COL10A1: variants seen among roughly 807,000 people sequenced by gnomAD.
COL10A1 encodes the protein collagen alpha-1(X) chain.
A neutral mutation model predicts 18.2 loss-of-function variants in COL10A1; 10 were observed. That is an observed-to-expected ratio of 0.55 (90% confidence interval 0.34 to 0.93). The LOEUF is 0.93. Among genes scored for constraint, COL10A1 ranks in the 40% least tolerant of loss-of-function variants. COL10A1 has a pLI of 0.02. For missense variants in COL10A1, 897 were observed against 853.5 expected, an observed-to-expected ratio of 1.05 and a Z score of -0.64; for synonymous variants, 330 against 316.6, an observed-to-expected ratio of 1.04 and a Z score of -0.45.
chr6:116,174,553 C>T, the COL10A1 span, among the ~76,000 whole-genome samples: 1 of 152,060 alleles, frequency 6.6e-6, no homozygotes, highest in Non-Finnish European at 1.5e-5. Flanking sequence ...ATTTCCTATT[C>T]GTGTTTTGTT....
At chr6:116,201,052 G>A in the COL10A1 span, among the ~76,000 whole-genome samples, 36 of 152,086 alleles carry the variant, frequency 2.4e-4, no homozygotes, top group East Asian at 5.5e-3. Context: ...CCCAGTAGGA[G>A]TGAAGTACTA....
the COL10A1 span, among the ~76,000 whole-genome samples, chr6:116,187,874 T>G: frequency 6.6e-6 from 1 of 152,052 alleles, no homozygotes; most frequent in African/African-American, 2.4e-5. Context: ...TTGACAAACA[T>G]TAAACGTCTC....
chr6:116,169,239 A>G, the COL10A1 span, among the ~76,000 whole-genome samples: 14 of 152,312 alleles, frequency 9.2e-5, no homozygotes, highest in African/African-American at 3.4e-4. Flanking sequence ...CAGTGCTGTT[A>G]AGCAGGTATT....
At chr6:116,132,805 C>T (rs553234021) in intron 1 of COL10A1, among the ~76,000 whole-genome samples, 10 of 152,008 alleles carry the variant, frequency 6.6e-5, no homozygotes, top group African/African-American at 1.9e-4. Context: ...GGAAAAGTGC[C>T]GAGAAGTTTA....
upstream of COL10A1, among the ~76,000 whole-genome samples, chr6:116,162,935 A>G (rs866190850): frequency 7.3e-5 from 11 of 151,638 alleles, no homozygotes; most frequent in East Asian, 5.8e-4. Flanking sequence ...AGACCATCCT[A>G]GCTAACATGG....
intron 1 of COL10A1, among the ~76,000 whole-genome samples, chr6:116,135,044 G>T (rs566830558): frequency 6.6e-6 from 1 of 152,048 alleles, no homozygotes; most frequent in African/African-American, 2.4e-5. Context: ...TTACTCATCT[G>T]TACCCCATTT....
the COL10A1 span, among the ~76,000 whole-genome samples, chr6:116,184,477 G>C: frequency 6.6e-6 from 1 of 152,112 alleles, no homozygotes; most frequent in African/African-American, 2.4e-5. Flanking sequence ...CCAATTCTTT[G>C]AATGTCTGAT....
At chr6:116,178,052 AGTGTGTGT>A in the COL10A1 span, among the ~76,000 whole-genome samples, 1,114 of 136,410 alleles carry the variant, frequency 8.2e-3, 11 homozygotes, top group Admixed American at 0.015. Flanking sequence ...CAAAGAGGAA[AGTGTGTGT>A]GTGTGTGTGT....
At chr6:116,178,074 TGTGTGTGTGTGTGTGC>T in the COL10A1 span, among the ~76,000 whole-genome samples, 15 of 110,842 alleles carry the variant, frequency 1.4e-4, no homozygotes, top group Admixed American at 3.4e-4. Context: ...TGTGTGTGTG[TGTGTGTGTGTGTGTGC>T]GCGCGCGCGC....
At chr6:116,130,698 A>G (rs540978986), upstream of COL10A1, among the ~76,000 whole-genome samples, 122 of 152,206 alleles carry the variant, frequency 8.0e-4, 1 homozygote, top group African/African-American at 2.8e-3. Flanking sequence ...TTACTGATGT[A>G]GCCAATGCAC....
chr6:116,122,418 A>G (rs1468800064), intron 2 of COL10A1, among the ~76,000 whole-genome samples: 6 of 152,220 alleles, frequency 3.9e-5, no homozygotes, highest in Admixed American at 1.3e-4. Context: ...TACATCTGCC[A>G]TGCCTCTGCT....
chr6:116,207,939 C>T, the COL10A1 span, among the ~76,000 whole-genome samples: 1 of 151,918 alleles, frequency 6.6e-6, no homozygotes, highest in African/African-American at 2.4e-5. Context: ...ATAGTGTATA[C>T]ATACTGAAAT....
intron 2 of COL10A1, among the ~76,000 whole-genome samples, chr6:116,124,301 G>A (rs772883727): frequency 9.2e-5 from 14 of 152,004 alleles, no homozygotes; most frequent in Non-Finnish European, 1.9e-4. Context: ...AAAAAATTAT[G>A]GAAAGGGAGT....
chr6:116,156,486 T>A (rs1276935131), intron 1 of COL10A1, among the ~76,000 whole-genome samples: 1 of 152,162 alleles, frequency 6.6e-6, no homozygotes. Context: ...CTGTGTATAG[T>A]GCAAAGTAAA....
At chr6:116,155,820 T>C (rs528529886) in intron 1 of COL10A1, among the ~76,000 whole-genome samples, 88 of 151,054 alleles carry the variant, frequency 5.8e-4, no homozygotes, top group African/African-American at 2.1e-3. Flanking sequence ...TTCCAGGGTA[T>C]ATGTTTTTTA....
chr6:116,192,627 T>C, the COL10A1 span, among the ~76,000 whole-genome samples: 1 of 152,106 alleles, frequency 6.6e-6, no homozygotes, highest in African/African-American at 2.4e-5. Flanking sequence ...GTTTACTTTG[T>C]ATATTATAAA....
chr6:116,200,002 G>GT, the COL10A1 span, among the ~76,000 whole-genome samples: 1 of 101,286 alleles, frequency 9.9e-6, no homozygotes, highest in African/African-American at 3.3e-5. Context: ...TGGAAAGTGG[G>GT]GGGGGAAGAG....
chr6:116,136,832 CAG>C (rs1779619062), intron 1 of COL10A1, among the ~76,000 whole-genome samples: 1 of 152,114 alleles, frequency 6.6e-6, no homozygotes, highest in Admixed American at 6.6e-5. Context: ...AGATACGAAA[CAG>C]AATATTTAGT....
chr6:116,155,063 T>G (rs1290161319), intron 1 of COL10A1, among the ~76,000 whole-genome samples: 1 of 152,200 alleles, frequency 6.6e-6, no homozygotes, highest in Non-Finnish European at 1.5e-5. Context: ...GTATACAGAC[T>G]TTAATATTAG....
Sources: gnomAD v4.1 joint callset for allele counts (sites outside exome capture counted in the v4.1 genomes callset) on GRCh38, gnomAD v4.1.1 for gene constraint, MANE v1.5 for transcripts, NCBI Gene and HGNC (gene_info 2026-07-23, HGNC 2026-07-21) for gene names.